HS3ST3A1: variants seen among roughly 807,000 people sequenced by gnomAD.
The protein encoded by HS3ST3A1 is heparan sulfate-glucosamine 3-sulfotransferase 3A1.
A neutral mutation model predicts 25.7 loss-of-function variants in HS3ST3A1; 19 were observed. That is an observed-to-expected ratio of 0.74 (90% CI 0.52 to 1.08). HS3ST3A1 has a LOEUF of 1.08. HS3ST3A1 is among the 50% of genes least tolerant of loss of function. HS3ST3A1 has a pLI of 0.00. For synonymous variants in HS3ST3A1, 226 were observed against 278.6 expected (o/e 0.81, Z 1.88); for missense variants, 459 against 594.3 (o/e 0.77, Z 2.37).
chr17:13,497,305 T>C (rs531969552), intron 1 of HS3ST3A1, among the ~76,000 whole-genome samples: 31 of 152,354 alleles, frequency 2.0e-4, no homozygotes, highest in African/African-American at 7.2e-4. Flanking sequence ...ACAAAATACT[T>C]ATGTTTGTAA....
intron 1 of HS3ST3A1, among the ~76,000 whole-genome samples, chr17:13,542,913 T>A (rs73978680): frequency 0.048 from 7,309 of 152,110 alleles, 426 homozygotes; most frequent in African/African-American, 0.13. Context: ...GTTTAATCAA[T>A]CATGCCTATG....
chr17:13,514,891 T>C (rs1462643255), intron 1 of HS3ST3A1, among the ~76,000 whole-genome samples: 2 of 152,144 alleles, frequency 1.3e-5, no homozygotes, highest in African/African-American at 4.8e-5. Context: ...TAAAACAAAA[T>C]AAGAATTTTA....
rs542497989 is a variant in HS3ST3A1 at position 13,590,461 on chromosome 17, A to G, written c.599+10070T>C. Among the ~76,000 whole-genome samples, 4 of 152,300 alleles carry G rather than the reference A, an allele frequency of 2.6e-5. No homozygotes were observed. In the East Asian group the frequency reaches 7.7e-4, roughly 29 times the overall value. ...TTTCCCAATTGCATTTAAGAATTAT[A>G]CCATTGGAATTAGAAGCCCTGAGTT... On this transcript the variant is annotated intron_variant, in intron 1 of 1. Coordinates refer to ENST00000284110, the MANE Select transcript of HS3ST3A1 (RefSeq NM_006042.3).
intron 1 of HS3ST3A1, among the ~76,000 whole-genome samples, chr17:13,589,437 C>T (rs1328432089): frequency 2.6e-5 from 4 of 152,142 alleles, no homozygotes; most frequent in Non-Finnish European, 5.9e-5. Context: ...GTTTTCTTTC[C>T]ATCATTAAAC....
chr17:13,535,850 T>G (rs1437317372), intron 1 of HS3ST3A1, among the ~76,000 whole-genome samples: 1 of 152,086 alleles, frequency 6.6e-6, no homozygotes, highest in Non-Finnish European at 1.5e-5. Flanking sequence ...TGATGAATGG[T>G]TTCTAAGGTT....
At chr17:13,595,148 T>C (rs1347823907) in intron 1 of HS3ST3A1, among the ~76,000 whole-genome samples, 2 of 152,212 alleles carry the variant, frequency 1.3e-5, no homozygotes, top group African/African-American at 4.8e-5. Context: ...ATTTCTGTAA[T>C]ACAGTCGGGC....
At position 13,501,596 on chromosome 17, in the gene HS3ST3A1, C is replaced by A. The variant is rs144232675; in HGVS notation, c.600-4778G>T. 8.6e-3 allele frequency among the ~76,000 whole-genome samples: 1,302 copies of A among 152,178 alleles called. 12 individuals carry two copies. The highest frequency in any genetic ancestry group is 0.013 in the Non-Finnish European group (860 of 68,018). ...CGAGGTTTGTGGTCCATGCCCACTG[C>A]CTGCTGCATGATCACTAGATAGTAA... On this transcript the variant is annotated intron_variant, in intron 1 of 1. Transcript: ENST00000284110.
At chr17:13,522,231 T>TAA (rs11440630) in intron 1 of HS3ST3A1, among the ~76,000 whole-genome samples, 22,673 of 148,172 alleles carry the variant, frequency 0.15, 1,908 homozygotes, top group East Asian at 0.27. Flanking sequence ...TGGATTATGG[T>TAA]AAAAAAAAAA....
chr17:13,504,733 C>T (rs142679630), intron 1 of HS3ST3A1, among the ~76,000 whole-genome samples: 9 of 152,228 alleles, frequency 5.9e-5, no homozygotes, highest in Middle Eastern at 3.4e-3. Context: ...TTTGCGAAGC[C>T]CACTATGTTT....
intron 1 of HS3ST3A1, 84 bp downstream of exon 1, chr17:13,600,446 TG>T: frequency 6.9e-7 from 1 of 1,439,588 alleles, no homozygotes. Context: ...GAGGGCGAAC[TG>T]GGGGTCACCG....
At chr17:13,528,938 G>A (rs540970175) in intron 1 of HS3ST3A1, among the ~76,000 whole-genome samples, 21 of 151,892 alleles carry the variant, frequency 1.4e-4, no homozygotes, top group Non-Finnish European at 2.6e-4. Context: ...GTCGGGGTGG[G>A]GGATGAAGCG....
intron 1 of HS3ST3A1, among the ~76,000 whole-genome samples, chr17:13,575,899 C>G (rs1287692665): frequency 6.6e-6 from 1 of 152,232 alleles, no homozygotes; most frequent in Non-Finnish European, 1.5e-5. Context: ...CACGGCAAGT[C>G]TTTCTGGAAA....
chr17:13,560,613 C>T (rs1171973379), intron 1 of HS3ST3A1, among the ~76,000 whole-genome samples: 1 of 152,052 alleles, frequency 6.6e-6, no homozygotes, highest in Non-Finnish European at 1.5e-5. Flanking sequence ...AGTCTGGATA[C>T]CCTGCTGATT....
chr17:13,524,459 C>T (rs948416445), intron 1 of HS3ST3A1, among the ~76,000 whole-genome samples: 3 of 152,174 alleles, frequency 2.0e-5, no homozygotes, highest in East Asian at 1.9e-4. Flanking sequence ...GGTATCACCA[C>T]GTTGCCCAGG....
chr17:13,499,361 G>T (rs911782425), intron 1 of HS3ST3A1, among the ~76,000 whole-genome samples: 2 of 152,224 alleles, frequency 1.3e-5, no homozygotes, highest in Non-Finnish European at 2.9e-5. Context: ...ATTTCTCAGT[G>T]AAGGAAATTT....
At chr17:13,539,807 C>A (rs1227166353) in intron 1 of HS3ST3A1, among the ~76,000 whole-genome samples, 18 of 152,190 alleles carry the variant, frequency 1.2e-4, no homozygotes, top group Admixed American at 1.2e-3. Context: ...TGTCGTTGAG[C>A]TTCTAAGAGT....
chr17:13,562,328 G>T (rs887549263), intron 1 of HS3ST3A1, among the ~76,000 whole-genome samples: 12 of 152,100 alleles, frequency 7.9e-5, no homozygotes, highest in African/African-American at 2.9e-4. Context: ...AGGGACAGAC[G>T]TGTGTGCCGT....
chr17:13,588,726 C>T (rs1245257584), intron 1 of HS3ST3A1, among the ~76,000 whole-genome samples: 1 of 151,658 alleles, frequency 6.6e-6, no homozygotes, highest in Non-Finnish European at 1.5e-5. Flanking sequence ...CTCTGTTGCC[C>T]AGGCTGGAGT....
At chr17:13,573,185 A>G (rs1480119995) in intron 1 of HS3ST3A1, among the ~76,000 whole-genome samples, 1 of 152,108 alleles carries the variant, frequency 6.6e-6, no homozygotes, top group Non-Finnish European at 1.5e-5. Context: ...CCTCTATGGC[A>G]TTACAGTTGC....
Sources: gnomAD v4.1 joint callset for allele counts (sites outside exome capture counted in the v4.1 genomes callset) on GRCh38, gnomAD v4.1.1 for gene constraint, MANE v1.5 for transcripts, NCBI Gene and HGNC (gene_info 2026-07-23, HGNC 2026-07-21) for gene names.